The following AGO2 variants were observed in gnomAD, a reference collection of about 807,000 sequenced individuals.
AGO2 encodes argonaute RISC catalytic component 2, also known as protein argonaute-2.
Under a neutral mutation model 102.3 loss-of-function variants are expected in AGO2, and 5 were observed. The ratio of observed to expected loss-of-function variants is 0.05; its 90% CI spans 0.03 to 0.10. The LOEUF (loss-of-function observed/expected upper bound fraction) is 0.10, where lower values mean the gene tolerates loss of function less well. Among genes scored for constraint, AGO2 ranks in the 10% least tolerant of loss-of-function variants. The pLI, the probability that AGO2 is intolerant of heterozygous loss-of-function variation, is 1.00. For synonymous variants in AGO2, 449 were observed against 473.1 expected, an observed-to-expected ratio of 0.95 and a Z score of 0.66; for missense variants, 541 against 1,183.7, an observed-to-expected ratio of 0.46 and a Z score of 7.97.
intron 4 of AGO2, 71 bp downstream of exon 4, chr8:140,562,382 T>G: frequency 6.5e-7 from 1 of 1,532,632 alleles, no homozygotes; most frequent in Non-Finnish European, 8.8e-7. Flanking sequence ...TCGGACAGAT[T>G]TCAGACCCTG....
At chr8:140,534,889 G>A (rs915585925) in intron 17 of AGO2, among the ~76,000 whole-genome samples, 8 of 152,318 alleles carry the variant, frequency 5.3e-5, no homozygotes, top group East Asian at 1.9e-4. Context: ...GCTCCTGTCA[G>A]TGCTCCCAAG....
At chr8:140,609,223 T>G (rs1008499602) in intron 1 of AGO2, among the ~76,000 whole-genome samples, 3 of 152,230 alleles carry the variant, frequency 2.0e-5, no homozygotes, top group Non-Finnish European at 4.4e-5. Flanking sequence ...CCTCAGCTAT[T>G]TGGCAAAGTT....
At chr8:140,580,655 T>C (rs1387099186) in intron 2 of AGO2, among the ~76,000 whole-genome samples, 1 of 152,178 alleles carries the variant, frequency 6.6e-6, no homozygotes, top group Non-Finnish European at 1.5e-5. Flanking sequence ...CTGCAACTGA[T>C]GTGTGAGCGG....
At chr8:140,610,404 A>C (rs1337917327) in intron 1 of AGO2, among the ~76,000 whole-genome samples, 1 of 152,070 alleles carries the variant, frequency 6.6e-6, no homozygotes, top group Non-Finnish European at 1.5e-5. Context: ...TTTTCAGTAG[A>C]GATGGGGTTT....
chr8:140,634,865 T>A (rs1395292441), intron 1 of AGO2, among the ~76,000 whole-genome samples: 1 of 152,156 alleles, frequency 6.6e-6, no homozygotes, highest in Non-Finnish European at 1.5e-5. Flanking sequence ...ATTTCCAGAC[T>A]TTCCTTGGGA....
Position 140,555,934 on chromosome 8 carries a change from G to A in AGO2, c.1231C>T (p.Arg411Trp). The A allele has an allele frequency of 1.2e-6, 2 of 1,614,008 alleles. No individual in the cohort carries two copies. The highest frequency in any genetic ancestry group is 8.5e-7 in the Non-Finnish European group (1 of 1,179,998). ...AGGATGGAGGGCGGCTGCAGCACCC[G>A]CCCAGTCACGTCTGTCATCTCATCT... ...VKDEMTDVTG[R>W]VLQPPSILYG... Residue 411 changes from arginine (R) to tryptophan (W), a missense_variant, in exon 10 of 19, where the codon CGG becomes TGG. Transcript: ENST00000220592.
chr8:140,541,454 T>C, intron 14 of AGO2, 96 bp from the exon 15 acceptor site: 1 of 1,192,970 alleles, frequency 8.4e-7, no homozygotes, highest in Non-Finnish European at 1.1e-6. Flanking sequence ...ACGAGAAGTG[T>C]CCCCACCCTG....
At position 140,522,802 on chromosome 8, in the gene AGO2, G is replaced by C. The variant is rs2072439718; in HGVS notation, c.*9242C>G. On this transcript the variant is annotated 3_prime_UTR_variant, in exon 19 of 19. Transcript: ENST00000220592. ...TCCAGAAAAAAATAACTTGAATTATGATACAGCATCTTGATCTGAACAGTT... is the reference window on the plus strand; with the variant it reads ...TCCAGAAAAAAATAACTTGAATTATCATACAGCATCTTGATCTGAACAGTT... 6.6e-6 allele frequency: 1 copy of C among 151,392 alleles called. No individual in the cohort carries two copies. Among genetic ancestry groups the C allele is most frequent in the Non-Finnish European group, 1.5e-5 (1 of 67,960 alleles). The allele number at this position is 151,392 out of a possible 1,614,324, so 9.4% of individuals were successfully genotyped here.
chr8:140,549,115 G>T lies in AGO2; in HGVS notation c.1587C>A (p.Tyr529Ter). The change falls in exon 12 of 19, where the codon TAC becomes TAA. Residue 529 changes from tyrosine (Y) to a stop codon, truncating the protein, a stop_gained and splice_region_variant. Transcript: ENST00000220592. LOFTEE classifies it high-confidence loss of function. Reference protein sequence around the residue: ...VVILPGKTPVYAEVKRVGDTV... With the variant: ...VVILPGKTPV Reference sequence around the variant, plus strand: ...GCCAGCGGGAGCGCCCACACCTACCGTACACGGGCGTCTTGCCGGGCAGGA... The same window carrying T: ...GCCAGCGGGAGCGCCCACACCTACCTTACACGGGCGTCTTGCCGGGCAGGA... The T allele has an allele frequency of 6.2e-7, 1 of 1,605,764 alleles. No homozygotes were observed.
chr8:140,610,096 T>TTGAGAGGC lies in AGO2; in HGVS notation c.23-24793_23-24786dup, dbSNP rs1407924222. 2.0e-5 allele frequency among the ~76,000 whole-genome samples: 3 copies of TTGAGAGGC among 150,602 alleles called. No homozygotes were observed. In the East Asian group the frequency reaches 6.0e-4, roughly 30 times the overall value. On this transcript the variant is annotated intron_variant, in intron 1 of 18. Transcript: ENST00000220592. Reference sequence around the variant, plus strand: ...GGTGCACACCCGTAATCCCAGCTACTTGAGAGGCTGAGGCAGGAGGATTGC... The same window carrying TTGAGAGGC: ...GGTGCACACCCGTAATCCCAGCTACTTGAGAGGCTGAGAGGCTGAGGCAGGAGGATTGC...
chr8:140,552,730 G>GCACATGCA (rs1564082178), intron 10 of AGO2, among the ~76,000 whole-genome samples: 1 of 112,306 alleles, frequency 8.9e-6, no homozygotes, highest in Non-Finnish European at 1.8e-5. Context: ...GCACATGCAC[G>GCACATGCA]CGCGCGCGCG....
At chr8:140,608,884 G>A (rs1041739591) in intron 1 of AGO2, among the ~76,000 whole-genome samples, 2 of 152,234 alleles carry the variant, frequency 1.3e-5, no homozygotes, top group African/African-American at 4.8e-5. Flanking sequence ...GGTACCCCTT[G>A]CAAGAATCTG....
At chr8:140,564,018 C>G (rs535081106) in intron 3 of AGO2, among the ~76,000 whole-genome samples, 2 of 152,238 alleles carry the variant, frequency 1.3e-5, no homozygotes, top group South Asian at 2.1e-4. Flanking sequence ...CAGACGCCCA[C>G]GAGCCCTCAG....
At chr8:140,581,002 G>A (rs1252102766) in intron 2 of AGO2, among the ~76,000 whole-genome samples, 1 of 152,258 alleles carries the variant, frequency 6.6e-6, no homozygotes, top group African/African-American at 2.4e-5. Flanking sequence ...CTTCTTTCTG[G>A]TGTCAGATAA....
At chr8:140,597,966 T>C (rs953993721) in intron 1 of AGO2, among the ~76,000 whole-genome samples, 5 of 152,262 alleles carry the variant, frequency 3.3e-5, no homozygotes, top group Non-Finnish European at 5.9e-5. Flanking sequence ...CCAGTGCCAG[T>C]GCCAGCAGAT....
chr8:140,536,844 C>T (rs570823751), intron 16 of AGO2, among the ~76,000 whole-genome samples: 187 of 152,324 alleles, frequency 1.2e-3, no homozygotes, highest in African/African-American at 4.3e-3. Flanking sequence ...GCCATGAGTG[C>T]CTCAGCCTTC....
chr8:140,546,790 T>A (rs2072908945), intron 13 of AGO2, among the ~76,000 whole-genome samples: 1 of 152,246 alleles, frequency 6.6e-6, no homozygotes, highest in Non-Finnish European at 1.5e-5. Context: ...AAGATGCCTG[T>A]CATTGTGTGG....
chr8:140,553,767 C>T (rs555723032), intron 10 of AGO2, among the ~76,000 whole-genome samples: 8 of 149,722 alleles, frequency 5.3e-5, no homozygotes, highest in East Asian at 2.0e-4. Flanking sequence ...GGCACAATCT[C>T]GGCTCACTGC....
chr8:140,558,057 C>G (rs1264574301), intron 7 of AGO2, among the ~76,000 whole-genome samples: 1 of 152,220 alleles, frequency 6.6e-6, no homozygotes, highest in Non-Finnish European at 1.5e-5. Context: ...CAACCCAGGA[C>G]AGCGGTGCAC....
Sources: allele counts gnomAD v4.1 joint callset (sites outside exome capture counted in the v4.1 genomes callset), GRCh38; gene constraint gnomAD v4.1.1; transcripts MANE v1.5; gene names NCBI Gene and HGNC (gene_info 2026-07-23, HGNC 2026-07-21).